The following TAFA2 variants were observed in gnomAD, a reference collection of about 807,000 sequenced individuals.
TAFA2 encodes chemokine-like protein TAFA-2.
In TAFA2, 7 loss-of-function variants were observed where a neutral mutation model predicts 18.8. The observed-to-expected ratio is 0.37, with a 90% CI of 0.21 to 0.70. The LOEUF (loss-of-function observed/expected upper bound fraction) is 0.70. TAFA2 is among the 30% of genes least tolerant of loss of function. The probability of loss-of-function intolerance (pLI) is 0.53; values close to 1 mark genes in which losing one functional copy is unlikely to be tolerated. For synonymous variants in TAFA2, 60 were observed against 54.2 expected (o/e 1.11, Z -0.47); for missense variants, 122 against 158.1 (o/e 0.77, Z 1.23).
At chr12:61,785,482 C>T (rs1318593087) in intron 2 of TAFA2, among the ~76,000 whole-genome samples, 1 of 151,364 alleles carries the variant, frequency 6.6e-6, no homozygotes, top group Non-Finnish European at 1.5e-5. Context: ...AGTAATTGAA[C>T]ATGATATCAC....
At chr12:61,973,623 AT>A (rs555407501) in intron 1 of TAFA2, among the ~76,000 whole-genome samples, 3 of 151,692 alleles carry the variant, frequency 2.0e-5, no homozygotes, top group African/African-American at 4.8e-5. Flanking sequence ...AGACCTTGTT[AT>A]TTTTTTGAAG....
At chr12:62,091,477 C>G (rs761803458) in intron 1 of TAFA2, among the ~76,000 whole-genome samples, 6 of 151,812 alleles carry the variant, frequency 4.0e-5, no homozygotes, top group Non-Finnish European at 8.8e-5. Flanking sequence ...AGGTACAGCT[C>G]TTATATTTTT....
chr12:61,813,732 C>A (rs7968946), intron 2 of TAFA2, among the ~76,000 whole-genome samples: 43,297 of 151,264 alleles, frequency 0.29, 7,158 homozygotes, highest in South Asian at 0.4. Context: ...TACAGTCATA[C>A]TTCCTGAGTT....
chr12:62,228,976 C>G (rs1243024232), intron 1 of TAFA2, among the ~76,000 whole-genome samples: 1 of 152,066 alleles, frequency 6.6e-6, no homozygotes, highest in Non-Finnish European at 1.5e-5. Context: ...ATTTTTATAG[C>G]TACTATAAAT....
intron 1 of TAFA2, among the ~76,000 whole-genome samples, chr12:62,189,758 G>A (rs1395596875): frequency 1.3e-5 from 2 of 152,098 alleles, no homozygotes; most frequent in East Asian, 1.9e-4. Context: ...AAGCAGTTTA[G>A]GAGTGTTAAT....
At chr12:62,046,459 G>A (rs537478548) in intron 1 of TAFA2, among the ~76,000 whole-genome samples, 6 of 151,734 alleles carry the variant, frequency 4.0e-5, no homozygotes, top group South Asian at 4.2e-4. Context: ...AAAAAAAAAC[G>A]ATGTTAACAT....
intron 1 of TAFA2, among the ~76,000 whole-genome samples, chr12:61,916,194 A>G (rs1876814344): frequency 6.6e-6 from 1 of 152,172 alleles, no homozygotes; most frequent in South Asian, 2.1e-4. Flanking sequence ...ACTAAACAAA[A>G]TTAAGAAGAG....
At chr12:61,830,892 A>G (rs966002988) in intron 2 of TAFA2, among the ~76,000 whole-genome samples, 5 of 152,064 alleles carry the variant, frequency 3.3e-5, no homozygotes, top group African/African-American at 1.2e-4. Context: ...CGGGCCAAAT[A>G]TGTATTTAGT....
intron 2 of TAFA2, among the ~76,000 whole-genome samples, chr12:61,818,490 TACACACACACAC>T (rs3034071): frequency 3.6e-5 from 5 of 140,708 alleles, no homozygotes; most frequent in South Asian, 4.7e-4. Context: ...CTCAAAAAAA[TACACACACACAC>T]ACACACACAC....
At chr12:61,900,534 G>C (rs1033576634) in intron 1 of TAFA2, among the ~76,000 whole-genome samples, 1 of 152,170 alleles carries the variant, frequency 6.6e-6, no homozygotes, top group African/African-American at 2.4e-5. Context: ...AAACATACTG[G>C]AGGGGAAAGC....
rs192924595 is a variant in TAFA2, at chr12:61,987,167, G to A, written c.-1-119741C>T. Among the ~76,000 whole-genome samples, 338 of 152,312 alleles carry A rather than the reference G, an allele frequency of 2.2e-3. 3 individuals carry two copies. The highest frequency in any genetic ancestry group is 7.7e-3 in the African/African-American group (319 of 41,558). ...TCTTTTCTAAATTTAAAGAAAACAA[G>A]CTTGCAGTACAATCTTAAGATTCTT... On this transcript the variant is annotated intron_variant, in intron 1 of 4. Coordinates refer to ENST00000416284, the MANE Select transcript of TAFA2 (RefSeq NM_178539.5).
At chr12:62,104,756 G>T (rs1162335757) in intron 1 of TAFA2, 2 of 454,712 alleles carry the variant, frequency 4.4e-6, no homozygotes, top group African/African-American at 4.0e-5. Context: ...GGTAATCGGG[G>T]TGACCATCGG....
At chr12:61,890,268 C>T (rs569307169) in intron 1 of TAFA2, 1 of 152,378 alleles carries the variant, frequency 6.6e-6, no homozygotes, top group African/African-American at 2.4e-5. Context: ...TATAAATTTA[C>T]TCTATGACAT....
upstream of TAFA2, chr12:62,258,857 A>G (rs2062959270): frequency 1.3e-5 from 3 of 231,600 alleles, no homozygotes; most frequent in Non-Finnish European, 2.8e-5. Flanking sequence ...AAAAAGGGGG[A>G]AAATGTGACT....
intron 4 of TAFA2, among the ~76,000 whole-genome samples, chr12:61,733,514 AT>A (rs1868256169): frequency 6.6e-6 from 1 of 150,896 alleles, no homozygotes; most frequent in Admixed American, 6.6e-5. Context: ...TCCCAGCACC[AT>A]TTATTAAATA....
intron 1 of TAFA2, among the ~76,000 whole-genome samples, chr12:61,999,974 T>A (rs918619035): frequency 6.6e-6 from 1 of 152,188 alleles, no homozygotes; most frequent in African/African-American, 2.4e-5. Flanking sequence ...GAAATTTTCA[T>A]ACATTTCCAA....
At chr12:62,023,565 C>T (rs1418284741) in intron 1 of TAFA2, 1 of 147,940 alleles carries the variant, frequency 6.8e-6, no homozygotes, top group East Asian at 1.9e-4. Context: ...ACTTATGAAC[C>T]ATGAGCTTAA....
intron 2 of TAFA2, among the ~76,000 whole-genome samples, chr12:61,759,699 C>T (rs771438025): frequency 6.6e-6 from 1 of 151,942 alleles, no homozygotes; most frequent in African/African-American, 2.4e-5. Context: ...ATGTATTAGT[C>T]GGAGAATAAG....
intron 1 of TAFA2, among the ~76,000 whole-genome samples, chr12:61,972,985 C>G (rs918928816): frequency 6.6e-6 from 1 of 151,658 alleles, no homozygotes; most frequent in Non-Finnish European, 1.5e-5. Context: ...TATTCAAATG[C>G]TAGTACCAGA....
Sources: gnomAD v4.1 joint callset for allele counts (sites outside exome capture counted in the v4.1 genomes callset) on GRCh38, gnomAD v4.1.1 for gene constraint, MANE v1.5 for transcripts, NCBI Gene and HGNC (gene_info 2026-07-23, HGNC 2026-07-21) for gene names.